TMEM266: variants seen among roughly 807,000 people sequenced by gnomAD.
The protein encoded by TMEM266 is transmembrane protein 266, also known as Hv1 related protein 1.
Under a neutral mutation model 50.5 loss-of-function variants are expected in TMEM266, and 33 were observed. The observed-to-expected ratio is 0.65, with a 90% CI of 0.50 to 0.87. The LOEUF (loss-of-function observed/expected upper bound fraction) is 0.87, where lower values mean the gene tolerates loss of function less well. Among genes scored for constraint, TMEM266 ranks in the 40% least tolerant of loss-of-function variants. The pLI is 0.00. For missense variants in TMEM266, 655 were observed against 695.1 expected, an observed-to-expected ratio of 0.94 and a Z score of 0.65; for synonymous variants, 310 against 292.3, an observed-to-expected ratio of 1.06 and a Z score of -0.62.
intron 3 of TMEM266, among the ~76,000 whole-genome samples, chr15:76,148,653 C>T (rs926472900): frequency 6.6e-6 from 1 of 152,180 alleles, no homozygotes; most frequent in Non-Finnish European, 1.5e-5. Context: ...AAGGGACAGC[C>T]AATCCATGGT....
intron 5 of TMEM266, among the ~76,000 whole-genome samples, chr15:76,162,065 G>A (rs570426153): frequency 1.3e-5 from 2 of 152,204 alleles, no homozygotes; most frequent in Non-Finnish European, 2.9e-5. Flanking sequence ...CCTGTGCACA[G>A]GAATCGCAGC....
intron 5 of TMEM266, among the ~76,000 whole-genome samples, chr15:76,167,419 A>G (rs959271022): frequency 3.3e-5 from 5 of 151,184 alleles, no homozygotes; most frequent in African/African-American, 1.2e-4. Context: ...GCAGTGAGCC[A>G]AGATCGTGCC....
intron 3 of TMEM266, among the ~76,000 whole-genome samples, chr15:76,151,530 C>G (rs1197532706): frequency 6.6e-6 from 1 of 152,086 alleles, no homozygotes; most frequent in Non-Finnish European, 1.5e-5. Flanking sequence ...CCCTGTGTTT[C>G]TGCTCTTCAG....
At position 76,203,776 on chromosome 15, in the gene TMEM266, A is replaced by G. The variant is rs1342622016; in HGVS notation, c.1057A>G (p.Thr353Ala). The G allele has an allele frequency of 6.2e-7, 1 of 1,614,120 alleles. No individual in the cohort carries two copies. The highest frequency in any genetic ancestry group is 1.1e-5 in the South Asian group (1 of 91,080). Residue 353 changes from threonine (T) to alanine (A), a missense_variant, in exon 11 of 11, where the codon ACC becomes GCC. Physicochemically the swap from Thr to Ala is moderately conservative, Grantham distance 58. Coordinates refer to ENST00000388942, the MANE Select transcript of TMEM266 (RefSeq NM_152335.3). ...CCCAGAGCCAGCTGTGTGTATGGTCACCACGGCCGCAATAGACATTCACCA... is the reference window on the plus strand; with the variant it reads ...CCCAGAGCCAGCTGTGTGTATGGTCGCCACGGCCGCAATAGACATTCACCA...
At chr15:76,096,590 G>T (rs2036923925) in intron 1 of TMEM266, among the ~76,000 whole-genome samples, 1 of 151,994 alleles carries the variant, frequency 6.6e-6, no homozygotes, top group African/African-American at 2.4e-5. Context: ...CTGTTGATTT[G>T]GGGTAGAGAG....
At chr15:76,079,574 G>T (rs2141989793) in intron 1 of TMEM266, among the ~76,000 whole-genome samples, 1 of 150,036 alleles carries the variant, frequency 6.7e-6, no homozygotes, top group Middle Eastern at 3.4e-3. Flanking sequence ...CAGATCACGA[G>T]GTCAGGAGTT....
intron 1 of TMEM266, among the ~76,000 whole-genome samples, chr15:76,119,391 C>CAAA (rs57532855): frequency 7.3e-5 from 8 of 109,744 alleles, no homozygotes; most frequent in Non-Finnish European, 1.0e-4. Flanking sequence ...GGGTTTATGG[C>CAAA]AAAAAAAAAA....
intron 9 of TMEM266, among the ~76,000 whole-genome samples, chr15:76,192,790 C>T (rs899450267): frequency 2.6e-5 from 4 of 152,216 alleles, no homozygotes; most frequent in African/African-American, 9.7e-5. Context: ...TGATGGGACT[C>T]TCTTGGGGCC....
At position 76,192,177 on chromosome 15, in the gene TMEM266, C is replaced by T. The variant is rs2038586032; in HGVS notation, c.958+20C>T. The T allele has an allele frequency of 2.2e-6, 3 of 1,392,662 alleles. No homozygotes were observed. The highest frequency in any genetic ancestry group is 2.8e-6 in the Non-Finnish European group (3 of 1,077,810). The allele number at this position is 1,392,662 out of a possible 1,614,324, so 86.3% of individuals were successfully genotyped here. A position where few individuals can be genotyped will look rare whatever the true frequency, so the allele number is the denominator to read the frequency against. ...CGCAAGGTAAGCCCGGGTCTCCACC[C>T]GGCCCCAGAGTGTCACGGCCGGGGA... is the stretch of plus-strand genomic sequence containing the variant. On this transcript the variant is annotated intron_variant, in intron 9 of 10. Coordinates refer to ENST00000388942, the MANE Select transcript of TMEM266 (RefSeq NM_152335.3).
chr15:76,165,368 C>G (rs2038078940), intron 5 of TMEM266, among the ~76,000 whole-genome samples: 1 of 152,228 alleles, frequency 6.6e-6, no homozygotes, highest in South Asian at 2.1e-4. Context: ...CTGCATCTCT[C>G]AAATGGTATA....
chr15:76,178,516 G>A (rs1426704868), intron 8 of TMEM266: 1 of 152,374 alleles, frequency 6.6e-6, no homozygotes, highest in Non-Finnish European at 1.5e-5. Flanking sequence ...AGCCCAGCAG[G>A]GAACGCGCTG....
At chr15:76,072,776 T>C (rs1465423395) in intron 1 of TMEM266, among the ~76,000 whole-genome samples, 2 of 151,836 alleles carry the variant, frequency 1.3e-5, no homozygotes, top group Non-Finnish European at 2.9e-5. Context: ...TAGCTGGGAT[T>C]ACATGTGCAC....
At chr15:76,091,025 C>T (rs899521520) in intron 1 of TMEM266, among the ~76,000 whole-genome samples, 2 of 152,040 alleles carry the variant, frequency 1.3e-5, no homozygotes, top group African/African-American at 4.8e-5. Flanking sequence ...CACTGTGTAT[C>T]CTATACATAT....
intron 1 of TMEM266, among the ~76,000 whole-genome samples, chr15:76,121,023 A>G (rs768268911): frequency 6.6e-6 from 1 of 152,200 alleles, no homozygotes; most frequent in Non-Finnish European, 1.5e-5. Context: ...AGGGATGTCC[A>G]TATATACTGC....
At position 76,130,251 on chromosome 15, in the gene TMEM266, AAAAC is replaced by A. The variant is rs1370037723; in HGVS notation, c.-96-3916_-96-3913del. On this transcript the variant is annotated intron_variant, in intron 1 of 10. Coordinates refer to ENST00000388942, the MANE Select transcript of TMEM266 (RefSeq NM_152335.3). The stretch of plus-strand genomic sequence containing the variant: ...AAAAAAAAAAAAAAAAAAAAAAAAA[AAAAC>A]CGCCGGGTGCAGTGTCTCATGCCTG... 3.2e-4 allele frequency among the ~76,000 whole-genome samples: 31 copies of A among 98,102 alleles called. 8 individuals carry two copies. Among genetic ancestry groups the A allele is most frequent in the African/African-American group, 1.7e-3 (28 of 16,320 alleles). The allele number at this position is 98,102 out of a possible 152,430, so 64.4% of individuals were successfully genotyped here.
chr15:76,178,853 A>G (rs1198038057), intron 8 of TMEM266: 1 of 152,260 alleles, frequency 6.6e-6, no homozygotes, highest in Non-Finnish European at 1.5e-5. Context: ...CATCTTAGTT[A>G]AGACAGCAGA....
chr15:76,076,447 G>A lies in TMEM266; in HGVS notation c.-97+16431G>A, dbSNP rs560008109. The stretch of plus-strand genomic sequence containing the variant: ...ATAGTATTGTTTTGATGTGGGCTCT[G>A]GCCTATGCTTAAATATTCACACGGT... On this transcript the variant is annotated intron_variant, in intron 1 of 10. Transcript: ENST00000388942. Among the ~76,000 whole-genome samples the A allele has an allele frequency of 5.9e-5, 9 of 152,046 alleles. No homozygotes were observed. In the South Asian group the frequency reaches 1.9e-3, roughly 32 times the overall value.
At position 76,143,876 on chromosome 15, in the gene TMEM266, GTC is replaced by G. The variant is rs376164292; in HGVS notation, c.227+5995_227+5996del. Reference sequence around the variant, plus strand: ...ATTCAAAGTCGTGTCTCTAGCCTAGGTCTCTCTCTCTCTCTAACACTCCCGAC... The same window carrying G: ...ATTCAAAGTCGTGTCTCTAGCCTAGGTCTCTCTCTCTCTAACACTCCCGAC... On this transcript the variant is annotated intron_variant, in intron 3 of 10. Coordinates refer to ENST00000388942, the MANE Select transcript of TMEM266 (RefSeq NM_152335.3). 5.2e-4 allele frequency among the ~76,000 whole-genome samples: 79 copies of G among 151,248 alleles called. 1 individual carries two copies. In the South Asian group the frequency reaches 0.01, roughly 20 times the overall value.
chr15:76,116,395 GGT>G (rs2037247128), intron 1 of TMEM266, among the ~76,000 whole-genome samples: 1 of 152,088 alleles, frequency 6.6e-6, no homozygotes, highest in Non-Finnish European at 1.5e-5. Flanking sequence ...TAAGGGAAAA[GGT>G]ATGCACCCCT....
Sources: allele counts gnomAD v4.1 joint callset (sites outside exome capture counted in the v4.1 genomes callset), GRCh38; gene constraint gnomAD v4.1.1; transcripts MANE v1.5; gene names NCBI Gene and HGNC (gene_info 2026-07-23, HGNC 2026-07-21).